PAK4: variants seen among roughly 807,000 people sequenced by gnomAD.
PAK4 encodes the protein serine/threonine-protein kinase PAK 4.
In PAK4, 49 loss-of-function variants were observed where a neutral mutation model predicts 53.5. The observed-to-expected ratio is 0.92, with a 90% CI of 0.73 to 1.16. The LOEUF is 1.16. PAK4 is among the 50% of genes most tolerant of loss of function. PAK4 has a pLI of 0.00. For synonymous variants in PAK4, 376 were observed against 375.6 expected, an observed-to-expected ratio of 1.00 and a Z score of -0.01; for missense variants, 824 against 850.7, an observed-to-expected ratio of 0.97 and a Z score of 0.39.
At chr19:39,165,298 C>G (rs1382677953) in intron 1 of PAK4, among the ~76,000 whole-genome samples, 2 of 143,916 alleles carry the variant, frequency 1.4e-5, no homozygotes, top group Non-Finnish European at 3.0e-5. Flanking sequence ...GTCAGGAGAT[C>G]GAGACCATCC....
Position 39,173,438 on chromosome 19 carries a change from C to A in PAK4, c.663+62C>A. The A allele has an allele frequency of 7.2e-7, 1 of 1,392,860 alleles. No homozygotes were observed. The highest frequency in any genetic ancestry group is 1.4e-5 in the South Asian group (1 of 69,508). 86.3% of individuals were successfully genotyped at this position (1,392,860 alleles called of 1,614,324 possible). On this transcript the variant is annotated intron_variant, in intron 3 of 8. Transcript: ENST00000358301. This position sits in a 1 kb window ranked among gnomAD's most constrained non-coding sequence, Gnocchi z 6.9. Reference sequence around the variant, plus strand: ...CTGCCCGTTGCTCCTCTGTCCCCACCTTCCAGCCCCGCCCCACCACCGTGC... The same window carrying A: ...CTGCCCGTTGCTCCTCTGTCCCCACATTCCAGCCCCGCCCCACCACCGTGC...
In PAK4 at chr19:39,178,688, C is replaced by T. The variant is rs186511166; in HGVS notation, c.*109C>T. 651 of 963,850 alleles carry T rather than the reference C, an allele frequency of 6.8e-4. 3 individuals carry two copies. In the African/African-American group the frequency reaches 0.01, roughly 15 times the overall value. The allele number at this position is 963,850 out of a possible 1,614,324, so 59.7% of individuals were successfully genotyped here. ...TCCTCCCAGCCCGGGAGATGCTCCGCGTGGCACCACCCTCCTTGCTGGGGG... is the reference window on the plus strand; with the variant it reads ...TCCTCCCAGCCCGGGAGATGCTCCGTGTGGCACCACCCTCCTTGCTGGGGG... On this transcript the variant is annotated 3_prime_UTR_variant, in exon 9 of 9. Transcript: ENST00000358301. The surrounding 1 kb of genome is among the most constrained non-coding windows in gnomAD (Gnocchi z 4.4).
rs55885160 is a variant in PAK4, at chr19:39,149,874, A to T, written c.-22-19658A>T. 8.2e-3 allele frequency among the ~76,000 whole-genome samples: 1,241 copies of T among 152,220 alleles called. 26 individuals carry two copies. The highest frequency in any genetic ancestry group is 0.028 in the African/African-American group (1,167 of 41,518). On this transcript the variant is annotated intron_variant, in intron 1 of 8. Transcript: ENST00000358301. ...CTGTCTCTAAATAAATAAATAATAAAATATATGTTTATGTATATATAGAGA... is the reference window on the plus strand; with the variant it reads ...CTGTCTCTAAATAAATAAATAATAATATATATGTTTATGTATATATAGAGA...
At chr19:39,172,833 G>A (rs2074509043) in intron 2 of PAK4, 85 bp from the exon 4 acceptor site, 2 of 1,126,620 alleles carry the variant, frequency 1.8e-6, no homozygotes, top group Admixed American at 2.4e-5. Context: ...TGTGTGTCGT[G>A]CTGTCCTGTC....
chr19:39,142,744 G>A (rs2073931275), intron 1 of PAK4, among the ~76,000 whole-genome samples: 1 of 152,170 alleles, frequency 6.6e-6, no homozygotes, highest in Admixed American at 6.5e-5. Flanking sequence ...GAACAGAGTG[G>A]TCTCCCACCC....
chr19:39,167,257 A>G (rs959340713), intron 1 of PAK4, among the ~76,000 whole-genome samples: 2 of 152,220 alleles, frequency 1.3e-5, no homozygotes, highest in Non-Finnish European at 2.9e-5. Flanking sequence ...CAGGTTCACG[A>G]TGAAGAGGCC....
intron 1 of PAK4, among the ~76,000 whole-genome samples, chr19:39,146,509 T>C (rs1024116038): frequency 2.6e-5 from 4 of 152,236 alleles, no homozygotes; most frequent in Admixed American, 2.0e-4. Flanking sequence ...CTTTAAATTC[T>C]GAGATCATTG....
chr19:39,172,947 A>C, exon 3 of PAK4: 2 of 1,542,146 alleles, frequency 1.3e-6, no homozygotes, highest in South Asian at 2.4e-5. Flanking sequence ...AAGGTGCCAA[A>C]GATGGGGCCC....
chr19:39,154,103 G>T (rs942506212), intron 1 of PAK4, among the ~76,000 whole-genome samples: 1 of 152,094 alleles, frequency 6.6e-6, no homozygotes, highest in African/African-American at 2.4e-5. Flanking sequence ...ATCATGTGCG[G>T]TGCCATGGAG....
At position 39,175,856 on chromosome 19, in the gene PAK4, AT is replaced by A. The variant is rs1246852349; in HGVS notation, c.1359+422del. Among the ~76,000 whole-genome samples, 1 of 152,118 alleles carries A rather than the reference AT, an allele frequency of 6.6e-6. No homozygotes were observed. Among genetic ancestry groups the A allele is most frequent in the Non-Finnish European group, 1.5e-5 (1 of 68,034 alleles). On this transcript the variant is annotated intron_variant, in intron 6 of 8. Transcript: ENST00000358301. This position sits in a 1 kb window ranked among gnomAD's most constrained non-coding sequence, Gnocchi z 4.7. ...ACAATTATAACGTCGGGTGGACATGATTTTCTGTGAGAGAGGGCCCTTGACT... is the reference window on the plus strand; with the variant it reads ...ACAATTATAACGTCGGGTGGACATGATTTCTGTGAGAGAGGGCCCTTGACT...
chr19:39,134,201 C>G (rs183706818), intron 1 of PAK4, among the ~76,000 whole-genome samples: 53 of 152,300 alleles, frequency 3.5e-4, no homozygotes, highest in African/African-American at 1.3e-3. Context: ...TTTAAAAAAC[C>G]TTTAATAATT....
At chr19:39,179,499 G>A (rs958934983), downstream of PAK4, 9 of 152,156 alleles carry the variant, frequency 5.9e-5, no homozygotes, top group Non-Finnish European at 1.3e-4. Flanking sequence ...AGCAAACCAC[G>A]ATTCCAGCCA....
At chr19:39,164,409 C>T (rs997940950) in intron 1 of PAK4, among the ~76,000 whole-genome samples, 3 of 151,960 alleles carry the variant, frequency 2.0e-5, no homozygotes, top group Admixed American at 1.3e-4. Context: ...CTTGTGAGCA[C>T]AGGCGGGCCT....
intron 2 of PAK4, among the ~76,000 whole-genome samples, chr19:39,172,381 G>A (rs1003587185): frequency 3.9e-5 from 6 of 152,078 alleles, no homozygotes; most frequent in East Asian, 1.9e-4. Flanking sequence ...TTTGCCACCC[G>A]GCTCCTGGGA....
intron 1 of PAK4, chr19:39,136,608 T>A (rs17708461): frequency 0.32 from 48,260 of 152,204 alleles, 7,862 homozygotes; most frequent in Middle Eastern, 0.4. Context: ...TTACTTCCAT[T>A]ATGACATGTG....
At chr19:39,129,191 G>C (rs1048643065) in intron 1 of PAK4, among the ~76,000 whole-genome samples, 1 of 151,946 alleles carries the variant, frequency 6.6e-6, no homozygotes, top group Non-Finnish European at 1.5e-5. Flanking sequence ...TTACAGGCGC[G>C]CACACCTGCT....
rs2074575587 is a variant in PAK4 at position 39,175,101 on chromosome 19, C to T, written c.1232+37C>T. On this transcript the variant is annotated intron_variant, in intron 5 of 8. Coordinates refer to ENST00000358301, the Ensembl canonical transcript of PAK4. This position sits in a 1 kb window ranked among gnomAD's most constrained non-coding sequence, Gnocchi z 4.7. Reference sequence around the variant, plus strand: ...GCCTCAGACCCCTCCTGTGACACGACCAAGTCCCCTCCAGACCACTAGGGG... The same window carrying T: ...GCCTCAGACCCCTCCTGTGACACGATCAAGTCCCCTCCAGACCACTAGGGG... The T allele has an allele frequency of 3.2e-6, 5 of 1,581,434 alleles. No individual in the cohort carries two copies. Among genetic ancestry groups the T allele is most frequent in the Non-Finnish European group, 3.4e-6 (4 of 1,163,312 alleles).
chr19:39,153,224 C>T (rs541496289), intron 1 of PAK4, among the ~76,000 whole-genome samples: 1 of 151,100 alleles, frequency 6.6e-6, no homozygotes, highest in South Asian at 2.1e-4. Context: ...CAAAAGCTCC[C>T]AGTCCCTCCC....
rs893185942 is a variant in PAK4, at chr19:39,170,772, G to A, written c.204+1015G>A. ...AATGTGGTAGCCCACTGAGGGGTCC[G>A]TGTGGTCCTTGCAGGGTGCTTTTGA... is the stretch of plus-strand genomic sequence containing the variant. On this transcript the variant is annotated intron_variant, in intron 2 of 8. Transcript: ENST00000358301. Among the ~76,000 whole-genome samples, 4 of 152,262 alleles carry A rather than the reference G, an allele frequency of 2.6e-5. 1 individual carries two copies. In the South Asian group the frequency reaches 6.2e-4, roughly 24 times the overall value.
Sources: allele counts gnomAD v4.1 joint callset (sites outside exome capture counted in the v4.1 genomes callset), GRCh38; gene constraint gnomAD v4.1.1; non-coding constraint Gnocchi (gnomAD v3.1); transcripts MANE v1.5; gene names NCBI Gene and HGNC (gene_info 2026-07-23, HGNC 2026-07-21).